ADAM7: variants seen among roughly 807,000 people sequenced by gnomAD.
ADAM7 encodes disintegrin and metalloproteinase domain-containing protein 7.
In ADAM7, 97 loss-of-function variants were observed where a neutral mutation model predicts 102.9. That is an observed-to-expected ratio of 0.94 (90% confidence interval 0.80 to 1.12). The LOEUF (loss-of-function observed/expected upper bound fraction) is 1.12, where lower values mean the gene tolerates loss of function less well. Among genes scored for constraint, ADAM7 ranks in the 50% most tolerant of loss-of-function variants. The pLI, the probability that ADAM7 is intolerant of heterozygous loss-of-function variation, is 0.00. For synonymous variants in ADAM7, 334 were observed against 304.4 expected (o/e 1.10, Z -1.01); for missense variants, 991 against 908.7 (o/e 1.09, Z -1.16).
At chr8:24,445,252 A>T (rs1454101762) in intron 2 of ADAM7, among the ~76,000 whole-genome samples, 1 of 152,138 alleles carries the variant, frequency 6.6e-6, no homozygotes, top group Non-Finnish European at 1.5e-5. Context: ...TATCTGATTA[A>T]GTACCCACCC....
chr8:24,504,192 C>A (rs1041630805), intron 20 of ADAM7, among the ~76,000 whole-genome samples: 2 of 151,720 alleles, frequency 1.3e-5, no homozygotes, highest in Non-Finnish European at 2.9e-5. Context: ...ATATGTCAAG[C>A]CTTTGTCTAT....
rs1433679773 is a variant in ADAM7, at chr8:24,500,220, G to A, written c.1966G>A (p.Ala656Thr). ...GLQCHCEEGQ[A>T]PVACEETLHV... ...CCAGTGCCACTGTGAGGAAGGACAG[G>A]CACCTGTAGCCTGTGAAGAAACCTT... is the stretch of plus-strand genomic sequence containing the variant. Residue 656 changes from alanine to threonine, a missense_variant, in exon 18 of 22, where the codon GCA (alanine) becomes ACA (threonine). Transcript: ENST00000175238. 1 of 1,612,164 alleles carries A rather than the reference G, an allele frequency of 6.2e-7. No homozygotes were observed. The highest frequency in any genetic ancestry group is 8.5e-7 in the Non-Finnish European group (1 of 1,178,650).
intron 13 of ADAM7, 22 bp from the exon 14 acceptor site, chr8:24,491,881 T>C: frequency 6.4e-7 from 1 of 1,560,090 alleles, no homozygotes; most frequent in Non-Finnish European, 8.7e-7. Context: ...CAGGATTTAG[T>C]CTCTTTGTTT....
At chr8:24,491,841 C>T in intron 13 of ADAM7, 62 bp from the exon 14 acceptor site, 3 of 1,367,644 alleles carry the variant, frequency 2.2e-6, no homozygotes, top group Non-Finnish European at 2.9e-6. Flanking sequence ...TTTCTGTCTA[C>T]TTACGAAACC....
rs747667436 is a variant in ADAM7, at chr8:24,492,003, G to A, written c.1457G>A (p.Arg486Lys). ...CCTGCCTGTCCTAAGGACCAGTTCAGGGTCAATGGATTTCCTTGCAAGAAC... is the reference window on the plus strand; with the variant it reads ...CCTGCCTGTCCTAAGGACCAGTTCAAGGTCAATGGATTTCCTTGCAAGAAC... ...HSPACPKDQFRVNGFPCKNSE... is the reference protein window; with the variant it reads ...HSPACPKDQFKVNGFPCKNSE... Residue 486 changes from arginine (R) to lysine (K), a missense_variant, in exon 14 of 22, where the codon AGG (arginine) becomes AAG (lysine). Arg to Lys is a conservative substitution (Grantham distance 26). Coordinates refer to ENST00000175238, the MANE Select transcript of ADAM7 (RefSeq NM_003817.4). 1.5e-5 allele frequency: 24 copies of A among 1,613,950 alleles called. No individual in the cohort carries two copies. The highest frequency in any genetic ancestry group is 1.9e-5 in the Non-Finnish European group (22 of 1,179,896).
chr8:24,502,024 AAT>A (rs1228891068), intron 20 of ADAM7, among the ~76,000 whole-genome samples: 7 of 137,126 alleles, frequency 5.1e-5, no homozygotes, highest in Non-Finnish European at 8.2e-5. Context: ...CTCCACTAAA[AAT>A]ATAAAGACTA....
At chr8:24,459,344 A>G (rs994019262) in intron 3 of ADAM7, among the ~76,000 whole-genome samples, 1 of 151,956 alleles carries the variant, frequency 6.6e-6, no homozygotes, top group Non-Finnish European at 1.5e-5. Context: ...GTAATAATTT[A>G]TTTAGTGATA....
intron 8 of ADAM7, 60 bp downstream of exon 8, chr8:24,476,564 C>G: frequency 7.3e-7 from 1 of 1,362,880 alleles, no homozygotes; most frequent in Non-Finnish European, 1.0e-6. Flanking sequence ...AACCTTTCAG[C>G]GCAGTTCTCT....
chr8:24,450,371 T>C (rs2129374848), intron 3 of ADAM7, among the ~76,000 whole-genome samples: 1 of 152,306 alleles, frequency 6.6e-6, no homozygotes, highest in East Asian at 1.9e-4. Flanking sequence ...TTCACGTCCC[T>C]TGTAAGTTGG....
At chr8:24,463,688 T>A (rs567850263) in intron 3 of ADAM7, among the ~76,000 whole-genome samples, 194 bp from the exon 4 acceptor site, 12 of 152,174 alleles carry the variant, frequency 7.9e-5, no homozygotes, top group Admixed American at 6.5e-4. Context: ...TTCTCTACAG[T>A]CTTTATGAAC....
chr8:24,454,590 G>T (rs1036832698), intron 3 of ADAM7, among the ~76,000 whole-genome samples: 2 of 152,188 alleles, frequency 1.3e-5, no homozygotes, highest in Non-Finnish European at 2.9e-5. Flanking sequence ...GGAACTCCCT[G>T]ATCCCTTGCG....
chr8:24,489,211 T>C lies in ADAM7; in HGVS notation c.1144T>C (p.Leu382=), dbSNP rs1820251505. The change falls in exon 12 of 22, where the codon TTG becomes CTG. Residue 382 remains leucine (L), a synonymous_variant. Coordinates refer to ENST00000175238, the MANE Select transcript of ADAM7 (RefSeq NM_003817.4). Reference sequence around the variant, plus strand: ...CAGCCAAAACCAATACCACCAGTACTTGAAGGATTATAAGCCAACATGCAT... The same window carrying C: ...CAGCCAAAACCAATACCACCAGTACCTGAAGGATTATAAGCCAACATGCAT... ...KCSQNQYHQY[L]KDYKPTCMLN... is the part of the protein sequence containing the mutation. 5 of 1,613,494 alleles carry C rather than the reference T, an allele frequency of 3.1e-6. No homozygotes were observed. The South Asian group carries it at 4.4e-5, about 14-fold the overall frequency.
intron 12 of ADAM7, 76 bp from the exon 13 acceptor site, chr8:24,490,723 G>A: frequency 7.1e-7 from 1 of 1,414,596 alleles, no homozygotes; most frequent in Non-Finnish European, 9.9e-7. Context: ...ATCCACAGAA[G>A]CACAACTAAT....
intron 20 of ADAM7, chr8:24,506,126 T>C (rs888548136): frequency 1.9e-6 from 3 of 1,550,176 alleles, no homozygotes; most frequent in Non-Finnish European, 1.7e-6. Context: ...GCCTGCCCAC[T>C]AGTTTTTCAA....
At chr8:24,455,407 T>C (rs1339028286) in intron 3 of ADAM7, among the ~76,000 whole-genome samples, 2 of 152,206 alleles carry the variant, frequency 1.3e-5, no homozygotes, top group African/African-American at 4.8e-5. Flanking sequence ...TTAGTATTTG[T>C]TTTTGTTTGT....
Position 24,442,081 on chromosome 8 carries a change from G to C in ADAM7, c.53-392G>C, listed in dbSNP as rs371181808. Among the ~76,000 whole-genome samples the C allele has an allele frequency of 3.4e-4, 52 of 152,306 alleles. No homozygotes were observed. In the South Asian group the frequency reaches 4.1e-3, roughly 12 times the overall value. On this transcript the variant is annotated intron_variant, in intron 1 of 21. Transcript: ENST00000175238. ...CCCAGCTACTTGGGAGGCTGAGGTG[G>C]AAGAATCGCTTGAACCGGGGAGGCG...
At chr8:24,459,759 C>T (rs1819172849) in intron 3 of ADAM7, among the ~76,000 whole-genome samples, 1 of 152,150 alleles carries the variant, frequency 6.6e-6, no homozygotes, top group Non-Finnish European at 1.5e-5. Context: ...CATACCTGAC[C>T]TGATTTTTCT....
intron 3 of ADAM7, among the ~76,000 whole-genome samples, chr8:24,457,963 T>C (rs1238935534): frequency 2.0e-5 from 3 of 152,124 alleles, no homozygotes; most frequent in Non-Finnish European, 4.4e-5. Context: ...TTTTGATGAA[T>C]TGTCTTTCTG....
intron 3 of ADAM7, among the ~76,000 whole-genome samples, chr8:24,455,334 A>G (rs1414574296): frequency 1.3e-5 from 2 of 152,172 alleles, no homozygotes; most frequent in Admixed American, 6.5e-5. Context: ...TATGCATTTT[A>G]AATTATATTA....
Sources: allele counts gnomAD v4.1 joint callset (sites outside exome capture counted in the v4.1 genomes callset), GRCh38; gene constraint gnomAD v4.1.1; transcripts MANE v1.5; gene names NCBI Gene and HGNC (gene_info 2026-07-23, HGNC 2026-07-21).